Variants in TLN2 observed in about 807,000 individuals in gnomAD.
TLN2 encodes the protein talin 2.
TLN2 carries 118 observed loss-of-function variants against 294.7 expected under a neutral mutation model. The observed-to-expected ratio is 0.40, with a 90% confidence interval of 0.34 to 0.47. The LOEUF is 0.47. Ranked by LOEUF, TLN2 falls within the 20% of genes least tolerant of loss-of-function variation. The pLI, the probability that TLN2 is intolerant of heterozygous loss-of-function variation, is 0.84. For missense variants in TLN2, 3,083 were observed against 3,282.2 expected, an observed-to-expected ratio of 0.94 and a Z score of 1.48; for synonymous variants, 1,431 against 1,304.5, an observed-to-expected ratio of 1.10 and a Z score of -2.09.
chr15:62,750,361 T>G, intron 33 of TLN2, 41 bp from the exon 34 acceptor site: 1 of 1,552,202 alleles, frequency 6.4e-7, no homozygotes, highest in Non-Finnish European at 8.9e-7. Flanking sequence ...TTTTGCTCTA[T>G]GACATTTGCT....
At chr15:62,838,109 C>CCTGT (rs1214590510) in intron 57 of TLN2, 1 of 152,212 alleles carries the variant, frequency 6.6e-6, no homozygotes, top group Non-Finnish European at 1.5e-5. Context: ...CTCTTCTTTA[C>CCTGT]CTGTCTCTAG....
chr15:62,741,862 T>G (rs2061348380), intron 32 of TLN2, among the ~76,000 whole-genome samples: 1 of 151,142 alleles, frequency 6.6e-6, no homozygotes, highest in Non-Finnish European at 1.5e-5. Flanking sequence ...CTTGACTAAC[T>G]CAGTCGCATT....
In TLN2 at chr15:62,547,257, G is replaced by C. The variant is rs560667901; in HGVS notation, c.-237-42430G>C. ...GATACTGTTAATGTTGACCCCAACTGGGATGTCAAAATCCTTGTGCAGATA... is the reference window on the plus strand; with the variant it reads ...GATACTGTTAATGTTGACCCCAACTCGGATGTCAAAATCCTTGTGCAGATA... On this transcript the variant is annotated intron_variant, in intron 1 of 58. Coordinates refer to ENST00000636159, the MANE Select transcript of TLN2 (RefSeq NM_015059.3). Among the ~76,000 whole-genome samples, 3 of 152,272 alleles carry C rather than the reference G, an allele frequency of 2.0e-5. 1 individual carries two copies. The South Asian group carries it at 6.2e-4, about 32-fold the overall frequency.
At chr15:62,705,723 G>T (rs2059018138) in intron 19 of TLN2, among the ~76,000 whole-genome samples, 1 of 152,230 alleles carries the variant, frequency 6.6e-6, no homozygotes, top group Admixed American at 6.5e-5. Context: ...CATTGAGATA[G>T]ATGTCCAGGA....
At chr15:62,797,162 TA>T in intron 47 of TLN2, 56 bp from the exon 48 acceptor site, 1 of 1,586,762 alleles carries the variant, frequency 6.3e-7, no homozygotes, top group Non-Finnish European at 8.6e-7. Flanking sequence ...CTTCTTGAAG[TA>T]ATCAAGCTTT....
At chr15:62,455,946 G>A (rs1214238431) in intron 1 of TLN2, among the ~76,000 whole-genome samples, 1 of 152,116 alleles carries the variant, frequency 6.6e-6, no homozygotes, top group Non-Finnish European at 1.5e-5. Flanking sequence ...TTGCAGACCA[G>A]TGCAGCCAGC....
At chr15:62,762,217 G>T (rs866457361) in intron 38 of TLN2, 55 bp from the exon 39 acceptor site, 4 of 1,597,950 alleles carry the variant, frequency 2.5e-6, no homozygotes, top group Admixed American at 1.7e-5. Context: ...CAGGGCCCAC[G>T]TCATTCACTC....
intron 22 of TLN2, among the ~76,000 whole-genome samples, chr15:62,715,307 G>T (rs1457426331): frequency 6.6e-6 from 1 of 151,014 alleles, no homozygotes; most frequent in East Asian, 1.9e-4. Context: ...TGATAAATCG[G>T]TGTGCTGTTC....
chr15:62,723,247 A>G (rs2060250801), intron 26 of TLN2, among the ~76,000 whole-genome samples: 2 of 152,232 alleles, frequency 1.3e-5, no homozygotes, highest in Non-Finnish European at 1.5e-5. Flanking sequence ...GCTTTAGACT[A>G]TAGCCAATAA....
At chr15:62,540,832 C>A (rs1314047580) in intron 1 of TLN2, among the ~76,000 whole-genome samples, 1 of 152,074 alleles carries the variant, frequency 6.6e-6, no homozygotes, top group African/African-American at 2.4e-5. Context: ...GGGAAGATCA[C>A]CAGGGAGTTC....
At position 62,629,929 on chromosome 15, in the gene TLN2, C is replaced by T. The variant is rs576652208; in HGVS notation, c.-37+11454C>T. Among the ~76,000 whole-genome samples the T allele has an allele frequency of 1.6e-4, 25 of 152,268 alleles. 1 individual carries two copies. In the East Asian group the frequency reaches 2.9e-3, roughly 18 times the overall value. ...TGAGCATTTTAAAGGTAATTGAGGG[C>T]ACCATAGATCATTTTAACATCCTTT... is the stretch of plus-strand genomic sequence containing the variant. On this transcript the variant is annotated intron_variant, in intron 3 of 58. Coordinates refer to ENST00000636159, the MANE Select transcript of TLN2 (RefSeq NM_015059.3).
intron 1 of TLN2, among the ~76,000 whole-genome samples, chr15:62,448,586 A>G (rs980769744): frequency 1.3e-5 from 2 of 152,366 alleles, no homozygotes; most frequent in Admixed American, 1.3e-4. Flanking sequence ...AACACTTGAC[A>G]TGCAGGGGGA....
intron 43 of TLN2, 80 bp from the exon 44 acceptor site, chr15:62,781,060 A>G (rs1224820155): frequency 4.6e-6 from 5 of 1,097,396 alleles, no homozygotes; most frequent in South Asian, 4.1e-5. Context: ...CTGTTTTTCA[A>G]AGTTCCTAAT....
intron 9 of TLN2, among the ~76,000 whole-genome samples, chr15:62,670,015 C>T (rs1330693322): frequency 6.6e-6 from 1 of 152,118 alleles, no homozygotes; most frequent in African/African-American, 2.4e-5. Flanking sequence ...GCTGGTTTGG[C>T]GGAGTTTGAA....
chr15:62,646,206 A>G (rs2051815404), intron 3 of TLN2, among the ~76,000 whole-genome samples: 1 of 150,938 alleles, frequency 6.6e-6, no homozygotes, highest in Non-Finnish European at 1.5e-5. Context: ...TCTGTTGCCC[A>G]GGCTGGAGTG....
At chr15:62,447,482 G>A (rs1208283477) in intron 1 of TLN2, among the ~76,000 whole-genome samples, 4 of 151,186 alleles carry the variant, frequency 2.6e-5, no homozygotes, top group Admixed American at 6.6e-5. Context: ...TCCTTGGACA[G>A]AGTTAACTTT....
chr15:62,805,576 A>T, intron 50 of TLN2, 24 bp from the exon 51 acceptor site: 1 of 1,563,202 alleles, frequency 6.4e-7, no homozygotes, highest in African/African-American at 1.4e-5. Flanking sequence ...TGATTTTTTT[A>T]ACCTCTCTGT....
intron 3 of TLN2, among the ~76,000 whole-genome samples, chr15:62,626,735 C>T (rs888107572): frequency 6.6e-6 from 1 of 152,174 alleles, no homozygotes. Flanking sequence ...TCCAAGGACA[C>T]ACAGCTCTTA....
intron 11 of TLN2, among the ~76,000 whole-genome samples, chr15:62,683,390 T>G (rs2057003942): frequency 6.6e-6 from 1 of 152,106 alleles, no homozygotes; most frequent in Non-Finnish European, 1.5e-5. Context: ...GGGCTTGGGT[T>G]TATTAGCGAA....
Sources: gnomAD v4.1 joint callset for allele counts (sites outside exome capture counted in the v4.1 genomes callset) on GRCh38, gnomAD v4.1.1 for gene constraint, MANE v1.5 for transcripts, NCBI Gene and HGNC (gene_info 2026-07-23, HGNC 2026-07-21) for gene names.